SDK1: variants seen among roughly 807,000 people sequenced by gnomAD.
SDK1 encodes the protein sidekick cell adhesion molecule 1.
SDK1 carries 157 observed loss-of-function variants against 245.5 expected under a neutral mutation model. That is an observed-to-expected ratio of 0.64 (90% CI 0.56 to 0.73). The LOEUF is 0.73. SDK1 is among the 30% of genes least tolerant of loss of function. SDK1 has a pLI of 0.00. For synonymous variants in SDK1, 1,647 were observed against 1,278.5 expected, an observed-to-expected ratio of 1.29 and a Z score of -6.15; for missense variants, 3,583 against 3,002.3, an observed-to-expected ratio of 1.19 and a Z score of -4.52.
intron 5 of SDK1, among the ~76,000 whole-genome samples, chr7:3,865,316 A>C (rs1197857946): frequency 6.6e-6 from 1 of 152,180 alleles, no homozygotes; most frequent in African/African-American, 2.4e-5. Flanking sequence ...GGGAGAAAGG[A>C]GAGAATGCAG....
At chr7:4,038,039 G>C (rs909706106) in intron 17 of SDK1, among the ~76,000 whole-genome samples, 10 of 152,184 alleles carry the variant, frequency 6.6e-5, no homozygotes, top group African/African-American at 2.4e-4. Context: ...TGTCCCCAGT[G>C]CTGGCACATA....
At chr7:3,771,352 A>T (rs1468389073) in intron 4 of SDK1, among the ~76,000 whole-genome samples, 8 of 152,166 alleles carry the variant, frequency 5.3e-5, no homozygotes, top group Non-Finnish European at 8.8e-5. Flanking sequence ...GCCCAGAGTC[A>T]AGAGGAGAGG....
At chr7:3,805,087 C>T (rs986845589) in intron 4 of SDK1, among the ~76,000 whole-genome samples, 1 of 152,194 alleles carries the variant, frequency 6.6e-6, no homozygotes, top group Admixed American at 6.5e-5. Context: ...TTTGATTTCA[C>T]CATTTCACAA....
intron 19 of SDK1, among the ~76,000 whole-genome samples, chr7:4,054,404 G>A (rs1779075881): frequency 6.6e-6 from 1 of 152,170 alleles, no homozygotes; most frequent in African/African-American, 2.4e-5. Flanking sequence ...ACAATTCACA[G>A]ATCCGATTTG....
intron 1 of SDK1, among the ~76,000 whole-genome samples, chr7:3,551,771 G>T (rs1779422708): frequency 6.6e-6 from 1 of 152,064 alleles, no homozygotes; most frequent in South Asian, 2.1e-4. Context: ...AGACTCGTGG[G>T]TTCGAGCAGT....
chr7:3,713,355 A>C (rs757180671), intron 4 of SDK1, among the ~76,000 whole-genome samples: 2 of 152,190 alleles, frequency 1.3e-5, no homozygotes, highest in East Asian at 3.8e-4. Context: ...ATTCCTCAAG[A>C]AAAGAAAGAA....
chr7:3,537,855 C>T (rs1778931984), intron 1 of SDK1, among the ~76,000 whole-genome samples: 3 of 152,266 alleles, frequency 2.0e-5, no homozygotes, highest in South Asian at 2.1e-4. Flanking sequence ...GTTGGGGCCT[C>T]CGTGCACAAA....
intron 4 of SDK1, among the ~76,000 whole-genome samples, chr7:3,702,543 C>A (rs1346814098): frequency 6.6e-6 from 1 of 152,158 alleles, no homozygotes; most frequent in African/African-American, 2.4e-5. Context: ...AGTCTTCTGC[C>A]CCAAACTGCT....
Position 3,959,030 on chromosome 7 carries a change from CT to C in SDK1, c.1234+17del, listed in dbSNP as rs1562573775. ...CAAGCCATGGGTGAGTGCAGAGTGG[CT>C]GCTGGACAAGGAGCCATGACTGGGA... is the stretch of plus-strand genomic sequence containing the variant. On this transcript the variant is annotated intron_variant, in intron 8 of 44. Coordinates refer to ENST00000404826, the MANE Select transcript of SDK1 (RefSeq NM_152744.4). The C allele has an allele frequency of 6.3e-7, 1 of 1,595,974 alleles. No homozygotes were observed.
At chr7:3,441,132 T>C (rs1780182636) in intron 1 of SDK1, among the ~76,000 whole-genome samples, 2 of 152,326 alleles carry the variant, frequency 1.3e-5, no homozygotes, top group South Asian at 4.1e-4. Flanking sequence ...AGTGAAATAT[T>C]TTGAGACAGC....
intron 1 of SDK1, among the ~76,000 whole-genome samples, chr7:3,560,162 CATAAAATATTATGCTTCCGCAAAAT>C (rs1182430894): frequency 1.1e-4 from 16 of 152,182 alleles, no homozygotes; most frequent in Non-Finnish European, 2.2e-4. Flanking sequence ...TGTTACTTAT[CATAAAATATTATGCTTCCGCAAAAT>C]ACACTGTTTA....
chr7:4,120,928 T>TA (rs546508577), intron 25 of SDK1, among the ~76,000 whole-genome samples: 6,985 of 149,164 alleles, frequency 0.047, 217 homozygotes, highest in African/African-American at 0.065. Context: ...GAACACTCTT[T>TA]TAAAAAAAAA....
chr7:3,727,691 A>G (rs907352049), intron 4 of SDK1, among the ~76,000 whole-genome samples: 1 of 151,970 alleles, frequency 6.6e-6, no homozygotes, highest in Non-Finnish European at 1.5e-5. Context: ...GGGTTTCACC[A>G]TGTTGGCCGG....
At chr7:3,644,784 A>AAAAAC (rs1782770507) in intron 4 of SDK1, among the ~76,000 whole-genome samples, 12 of 141,284 alleles carry the variant, frequency 8.5e-5, no homozygotes, top group African/African-American at 5.1e-5. Flanking sequence ...AAAAAAAAAA[A>AAAAAC]AAAAAAAACA....
intron 5 of SDK1, among the ~76,000 whole-genome samples, chr7:3,877,521 C>G (rs1781104419): frequency 6.6e-6 from 1 of 152,118 alleles, no homozygotes; most frequent in Admixed American, 6.5e-5. Context: ...TGAACTGTAT[C>G]TAGTGGAGGC....
chr7:4,220,164 G>A lies in SDK1; in HGVS notation c.5595G>A (p.Lys1865=). The A allele has an allele frequency of 6.2e-7, 1 of 1,614,106 alleles. No homozygotes were observed. The highest frequency in any genetic ancestry group is 8.5e-7 in the Non-Finnish European group (1 of 1,180,012). ...GAGGGAACTGGCAGCGCTGGCTGAA[G>A]GTGCGGGACCTCACCAAGGGAGTGA... ...EVRGNWQRWL[K]VRDLTKGVTY... is the part of the protein sequence containing the mutation. The change falls in exon 39 of 45, where the codon AAG becomes AAA. Residue 1865 remains lysine, a synonymous_variant. Coordinates refer to ENST00000404826, the MANE Select transcript of SDK1 (RefSeq NM_152744.4).
chr7:4,017,336 G>A lies in SDK1; in HGVS notation c.2586G>A (p.Glu862=), dbSNP rs774036784. 6.2e-7 allele frequency: 1 copy of A among 1,611,558 alleles called. No individual in the cohort carries two copies. The highest frequency in any genetic ancestry group is 1.1e-5 in the South Asian group (1 of 90,564). Residue 862 remains glutamate, a synonymous_variant, in exon 17 of 45, where the codon GAG becomes GAA. Transcript: ENST00000404826. ...GCGTCTTCAGCAGGGCAGTGACCGA[G>A]TACACCTTGCAGGGAGGTAAGCTTG... The part of the protein sequence containing the change: ...GLGVFSRAVT[E]YTLQGVPTAP...
At chr7:4,039,472 T>A (rs1204637800) in intron 17 of SDK1, among the ~76,000 whole-genome samples, 2 of 152,294 alleles carry the variant, frequency 1.3e-5, no homozygotes, top group Non-Finnish European at 2.9e-5. Flanking sequence ...TTCAAGATAT[T>A]TTGATTGCAT....
At chr7:4,050,412 G>T (rs1166240817) in intron 18 of SDK1, among the ~76,000 whole-genome samples, 1 of 152,210 alleles carries the variant, frequency 6.6e-6, no homozygotes, top group African/African-American at 2.4e-5. Context: ...AGATGCTTTT[G>T]CCTTCTTCCC....
Sources: gnomAD v4.1 joint callset for allele counts (sites outside exome capture counted in the v4.1 genomes callset) on GRCh38, gnomAD v4.1.1 for gene constraint, MANE v1.5 for transcripts, NCBI Gene and HGNC (gene_info 2026-07-23, HGNC 2026-07-21) for gene names.